Variants in ADAMTS3 observed in about 807,000 individuals in gnomAD.
ADAMTS3 encodes A disintegrin and metalloproteinase with thrombospondin motifs 3.
Under a neutral mutation model 129.0 loss-of-function variants are expected in ADAMTS3, and 73 were observed. The observed-to-expected ratio is 0.57, with a 90% CI of 0.47 to 0.69. ADAMTS3 has a LOEUF of 0.69. Among genes scored for constraint, ADAMTS3 ranks in the 30% least tolerant of loss-of-function variants. ADAMTS3 has a pLI of 0.00. For synonymous variants in ADAMTS3, 477 were observed against 510.8 expected (o/e 0.93, Z 0.89); for missense variants, 1,457 against 1,514.5 (o/e 0.96, Z 0.63).
chr4:72,424,969 C>T (rs1722533448), intron 3 of ADAMTS3, among the ~76,000 whole-genome samples: 1 of 152,040 alleles, frequency 6.6e-6, no homozygotes, highest in Admixed American at 6.6e-5. Flanking sequence ...TAGGTTGCTA[C>T]ATATTCTTTG....
rs527958137 is a variant in ADAMTS3, at chr4:72,330,287, G to A, written c.862-7190C>T. 3.3e-5 allele frequency among the ~76,000 whole-genome samples: 5 copies of A among 152,152 alleles called. No homozygotes were observed. The South Asian group carries it at 1.0e-3, about 32-fold the overall frequency. ...ACCCACCTCGGCCTCCCAAAGTGCT[G>A]GGATTGCAGGCATGAATGAGCCACC... On this transcript the variant is annotated intron_variant, in intron 5 of 21. Transcript: ENST00000286657.
intron 3 of ADAMTS3, among the ~76,000 whole-genome samples, chr4:72,467,773 C>T (rs1718960520): frequency 6.6e-6 from 1 of 151,854 alleles, no homozygotes; most frequent in Non-Finnish European, 1.5e-5. Flanking sequence ...CTTTACTAGG[C>T]CCTCATCATA....
At chr4:72,520,738 A>C (rs1257573661) in intron 3 of ADAMTS3, among the ~76,000 whole-genome samples, 1 of 152,102 alleles carries the variant, frequency 6.6e-6, no homozygotes, top group African/African-American at 2.4e-5. Context: ...TCCAGGTGCT[A>C]TCTGTCACCC....
intron 2 of ADAMTS3, among the ~76,000 whole-genome samples, chr4:72,564,593 G>A (rs1430139112): frequency 6.6e-6 from 1 of 152,086 alleles, no homozygotes; most frequent in Admixed American, 6.5e-5. Context: ...CACACAACTA[G>A]GTCAGGGTTC....
At chr4:72,519,810 G>C (rs534583194) in intron 3 of ADAMTS3, among the ~76,000 whole-genome samples, 2 of 152,186 alleles carry the variant, frequency 1.3e-5, no homozygotes, top group Non-Finnish European at 2.9e-5. Flanking sequence ...GGAGTAGTTT[G>C]TTCGTCTGAA....
chr4:72,428,034 C>G (rs1374840798), intron 3 of ADAMTS3, among the ~76,000 whole-genome samples: 1 of 102,012 alleles, frequency 9.8e-6, no homozygotes, highest in African/African-American at 3.0e-5. Context: ...AGTTTATTAA[C>G]TGAACACCTA....
intron 4 of ADAMTS3, among the ~76,000 whole-genome samples, chr4:72,344,556 C>T (rs1720228122): frequency 6.6e-6 from 1 of 152,076 alleles, no homozygotes; most frequent in Non-Finnish European, 1.5e-5. Context: ...AAGTCACTCC[C>T]AATCTCCCTG....
chr4:72,491,328 T>C (rs754425161), intron 3 of ADAMTS3, among the ~76,000 whole-genome samples: 4 of 151,812 alleles, frequency 2.6e-5, no homozygotes, highest in African/African-American at 7.2e-5. Context: ...CTAAAACTTC[T>C]GATACTATGT....
In ADAMTS3 at chr4:72,483,393, G is replaced by C. The variant is rs1469953133; in HGVS notation, c.504+65085C>G. ...AAAAGCTCTATAGCTAAACTAAATA[G>C]TCTAGCCTTGGTTAAAGCAGTATCA... On this transcript the variant is annotated intron_variant, in intron 3 of 21. Transcript: ENST00000286657. Among the ~76,000 whole-genome samples, 4 of 152,138 alleles carry C rather than the reference G, an allele frequency of 2.6e-5. No individual in the cohort carries two copies. In the East Asian group the frequency reaches 7.7e-4, roughly 29 times the overall value.
chr4:72,463,732 C>A (rs1175204227), intron 3 of ADAMTS3, among the ~76,000 whole-genome samples: 2 of 143,692 alleles, frequency 1.4e-5, no homozygotes, highest in East Asian at 4.2e-4. Context: ...TGGTAACATA[C>A]TTTCAAATAA....
Position 72,309,524 on chromosome 4 carries a change from GA to G in ADAMTS3, c.2056-5del. The G allele has an allele frequency of 6.2e-7, 1 of 1,610,884 alleles. No homozygotes were observed. Among genetic ancestry groups the G allele is most frequent in the Non-Finnish European group, 8.5e-7 (1 of 1,177,756 alleles). ...TTTCTTTATCACAGCCCACTTTCTG[GA>G]GAGAGAAGATGTCAAATGTGGCTAA... is the stretch of plus-strand genomic sequence containing the variant. On this transcript the variant is annotated splice_polypyrimidine_tract_variant and splice_region_variant and intron_variant, in intron 14 of 21. Transcript: ENST00000286657.
At chr4:72,331,718 C>T (rs984072295) in intron 5 of ADAMTS3, among the ~76,000 whole-genome samples, 6 of 152,062 alleles carry the variant, frequency 3.9e-5, no homozygotes, top group Admixed American at 6.6e-5. Flanking sequence ...ACAAGCTGTT[C>T]CCCATCTTCC....
At chr4:72,479,062 G>C (rs369314958) in intron 3 of ADAMTS3, among the ~76,000 whole-genome samples, 1 of 152,134 alleles carries the variant, frequency 6.6e-6, no homozygotes, top group Admixed American at 6.6e-5. Context: ...ACAAATGGAA[G>C]AACATTCCAT....
chr4:72,288,943 C>G, intron 20 of ADAMTS3, 75 bp from the exon 21 acceptor site: 2 of 741,560 alleles, frequency 2.7e-6, no homozygotes, highest in Admixed American at 4.1e-5. Flanking sequence ...CACACACACA[C>G]ACACACACAC....
intron 3 of ADAMTS3, among the ~76,000 whole-genome samples, chr4:72,450,303 C>T (rs961475417): frequency 6.6e-6 from 1 of 151,622 alleles, no homozygotes; most frequent in African/African-American, 2.4e-5. Context: ...CAATTGCCTT[C>T]GTGGTCATAA....
At chr4:72,551,738 C>T (rs2109793761) in intron 2 of ADAMTS3, among the ~76,000 whole-genome samples, 1 of 152,248 alleles carries the variant, frequency 6.6e-6, no homozygotes, top group South Asian at 2.1e-4. Flanking sequence ...GAAAGCAGAC[C>T]TAGAAGACTT....
intron 3 of ADAMTS3, among the ~76,000 whole-genome samples, chr4:72,506,789 T>C (rs1720169891): frequency 6.6e-6 from 1 of 152,214 alleles, no homozygotes; most frequent in South Asian, 2.1e-4. Flanking sequence ...CACTCACTTT[T>C]ATCAGCCAGT....
chr4:72,377,066 C>T (rs1387990003), intron 4 of ADAMTS3, among the ~76,000 whole-genome samples: 2 of 152,168 alleles, frequency 1.3e-5, no homozygotes, highest in Non-Finnish European at 2.9e-5. Flanking sequence ...TACTGAAATA[C>T]TTCCATGCCA....
At chr4:72,490,414 A>T (rs1719709415) in intron 3 of ADAMTS3, among the ~76,000 whole-genome samples, 1 of 151,944 alleles carries the variant, frequency 6.6e-6, no homozygotes, top group Admixed American at 6.6e-5. Context: ...ATATCAAAAA[A>T]ATTATTGCCC....
Sources: allele counts gnomAD v4.1 joint callset (sites outside exome capture counted in the v4.1 genomes callset), GRCh38; gene constraint gnomAD v4.1.1; transcripts MANE v1.5; gene names NCBI Gene and HGNC (gene_info 2026-07-23, HGNC 2026-07-21).